The following ASAP2 variants were observed in gnomAD, a reference collection of about 807,000 sequenced individuals.
ASAP2 encodes the protein ArfGAP with SH3 domain, ankyrin repeat and PH domain 2, also known as arf-GAP with SH3 domain, ANK repeat and PH domain-containing protein 2.
ASAP2 carries 45 observed loss-of-function variants against 131.4 expected under a neutral mutation model. That is an observed-to-expected ratio of 0.34 (90% confidence interval 0.27 to 0.44). ASAP2 has a LOEUF of 0.44. Ranked by LOEUF, ASAP2 falls within the 20% of genes least tolerant of loss-of-function variation. The pLI, the probability that ASAP2 is intolerant of heterozygous loss-of-function variation, is 1.00. For synonymous variants in ASAP2, 510 were observed against 503.0 expected (o/e 1.01, Z -0.19); for missense variants, 1,011 against 1,297.0 (o/e 0.78, Z 3.39).
chr2:9,354,095 C>T (rs1403762344), intron 12 of ASAP2, among the ~76,000 whole-genome samples: 1 of 152,246 alleles, frequency 6.6e-6, no homozygotes, highest in Non-Finnish European at 1.5e-5. Context: ...CCACTCATAG[C>T]AAATTCAAGT....
chr2:9,317,627 CACACACCCAT>C (rs781722203), intron 3 of ASAP2, among the ~76,000 whole-genome samples: 50 of 151,646 alleles, frequency 3.3e-4, no homozygotes, highest in Non-Finnish European at 6.8e-4. Context: ...ATCACACCCA[CACACACCCAT>C]ACACACATTT....
intron 2 of ASAP2, among the ~76,000 whole-genome samples, chr2:9,289,997 G>A (rs2148358887): frequency 6.7e-6 from 1 of 148,974 alleles, no homozygotes; most frequent in East Asian, 1.9e-4. Flanking sequence ...GCCGGTGAGA[G>A]GCATCCTTCC....
intron 2 of ASAP2, among the ~76,000 whole-genome samples, chr2:9,292,065 G>A (rs1667849877): frequency 6.6e-6 from 1 of 152,114 alleles, no homozygotes; most frequent in Admixed American, 6.5e-5. Flanking sequence ...GTGACCTTGA[G>A]CAAGTCATCA....
intron 2 of ASAP2, among the ~76,000 whole-genome samples, chr2:9,287,472 G>T (rs1212251433): frequency 6.6e-6 from 1 of 152,228 alleles, no homozygotes; most frequent in Non-Finnish European, 1.5e-5. Flanking sequence ...ATATCTGAAG[G>T]ACGCGGGGCT....
chr2:9,302,695 G>A (rs1395974589), intron 3 of ASAP2, among the ~76,000 whole-genome samples: 2 of 152,142 alleles, frequency 1.3e-5, no homozygotes, highest in South Asian at 2.1e-4. Context: ...GGCTGGTCTC[G>A]AACTCCTGAC....
intron 16 of ASAP2, among the ~76,000 whole-genome samples, chr2:9,370,089 T>G (rs1273338361): frequency 6.6e-6 from 1 of 152,090 alleles, no homozygotes; most frequent in Non-Finnish European, 1.5e-5. Context: ...CTGCCCACCT[T>G]GGCCTCCCAA....
intron 2 of ASAP2, among the ~76,000 whole-genome samples, chr2:9,294,672 C>T (rs1041150478): frequency 6.6e-6 from 1 of 152,212 alleles, no homozygotes; most frequent in Non-Finnish European, 1.5e-5. Flanking sequence ...GAAGTCCCTT[C>T]CCTTTGGGTG....
At chr2:9,320,217 G>A in intron 4 of ASAP2, 71 bp from the exon 5 acceptor site, 3 of 1,296,490 alleles carry the variant, frequency 2.3e-6, no homozygotes, top group Non-Finnish European at 2.2e-6. Context: ...GGCTAGTACA[G>A]GGATAAGTAA....
intron 1 of ASAP2, among the ~76,000 whole-genome samples, chr2:9,226,150 C>G (rs1336476271): frequency 6.6e-6 from 1 of 152,236 alleles, no homozygotes; most frequent in African/African-American, 2.4e-5. Flanking sequence ...TGAAGTCCCA[C>G]AGCTGGCTGG....
chr2:9,382,883 T>A lies in ASAP2; in HGVS notation c.2016+2075T>A, dbSNP rs1215874499. Among the ~76,000 whole-genome samples the A allele has an allele frequency of 4.6e-5, 7 of 152,140 alleles. No individual in the cohort carries two copies. In the South Asian group the frequency reaches 1.2e-3, roughly 27 times the overall value. On this transcript the variant is annotated intron_variant, in intron 20 of 27. Coordinates refer to ENST00000281419, the MANE Select transcript of ASAP2 (RefSeq NM_003887.3). ...AGATTAAACCCAATTCATGAGACAGTGTGATTGCAGCAGAGAAAGAGTTTA... is the reference window on the plus strand; with the variant it reads ...AGATTAAACCCAATTCATGAGACAGAGTGATTGCAGCAGAGAAAGAGTTTA...
chr2:9,296,248 G>T (rs981109731), intron 2 of ASAP2, among the ~76,000 whole-genome samples: 1 of 152,256 alleles, frequency 6.6e-6, no homozygotes, highest in Non-Finnish European at 1.5e-5. Context: ...AGACTGGCTG[G>T]TTTCCTTTGA....
At chr2:9,348,534 T>C (rs1470181890) in intron 11 of ASAP2, among the ~76,000 whole-genome samples, 1 of 152,250 alleles carries the variant, frequency 6.6e-6, no homozygotes, top group Non-Finnish European at 1.5e-5. Context: ...TCTATGTACT[T>C]AATATTTAAC....
intron 2 of ASAP2, among the ~76,000 whole-genome samples, chr2:9,285,351 C>T (rs1667398848): frequency 6.6e-6 from 1 of 152,136 alleles, no homozygotes; most frequent in Non-Finnish European, 1.5e-5. Context: ...TCAGAACCCC[C>T]CATCCCCACT....
At position 9,281,910 on chromosome 2, in the gene ASAP2, C is replaced by T. The variant is rs1667151577; in HGVS notation, c.199+2521C>T. Among the ~76,000 whole-genome samples, 1 of 152,206 alleles carries T rather than the reference C, an allele frequency of 6.6e-6. No individual in the cohort carries two copies. Among genetic ancestry groups the T allele is most frequent in the Admixed American group, 6.5e-5 (1 of 15,280 alleles). On this transcript the variant is annotated intron_variant, in intron 2 of 27. Coordinates refer to ENST00000281419, the MANE Select transcript of ASAP2 (RefSeq NM_003887.3). The surrounding 1 kb of genome is among the most constrained non-coding windows in gnomAD (Gnocchi z 4.0). The stretch of plus-strand genomic sequence containing the variant: ...TGTGCATTGCCTGGACTCAGGCCAC[C>T]TGTCCCGACCCTCCCCACCTGGACT...
intron 6 of ASAP2, among the ~76,000 whole-genome samples, chr2:9,325,223 G>A (rs1369061775): frequency 1.3e-5 from 2 of 152,142 alleles, no homozygotes; most frequent in Admixed American, 6.5e-5. Context: ...CAAAAGAAAA[G>A]CACATACCAT....
chr2:9,326,682 T>G (rs1670501491), intron 6 of ASAP2, among the ~76,000 whole-genome samples: 2 of 152,334 alleles, frequency 1.3e-5, no homozygotes, highest in South Asian at 4.1e-4. Flanking sequence ...TCGCTGCTGA[T>G]GCTTTATAAC....
intron 3 of ASAP2, among the ~76,000 whole-genome samples, chr2:9,316,862 G>C (rs900470643): frequency 6.6e-6 from 1 of 151,808 alleles, no homozygotes; most frequent in Non-Finnish European, 1.5e-5. Context: ...GGGCACCAAG[G>C]CTCTTGCCCT....
intron 2 of ASAP2, 119 bp from the exon 3 acceptor site, chr2:9,297,181 A>T: frequency 1.6e-6 from 2 of 1,281,004 alleles, no homozygotes; most frequent in Non-Finnish European, 2.1e-6. Flanking sequence ...GTGCAGCTTG[A>T]CTTTTCTCAG....
chr2:9,241,594 G>A (rs1043460250), intron 1 of ASAP2, among the ~76,000 whole-genome samples: 2 of 152,108 alleles, frequency 1.3e-5, no homozygotes, highest in East Asian at 1.9e-4. Context: ...GCATGGTGGC[G>A]CCGTGATCGC....
Sources: gnomAD v4.1 joint callset for allele counts (sites outside exome capture counted in the v4.1 genomes callset) on GRCh38, gnomAD v4.1.1 for gene constraint, Gnocchi (gnomAD v3.1) non-coding constraint, MANE v1.5 for transcripts, NCBI Gene and HGNC (gene_info 2026-07-23, HGNC 2026-07-21) for gene names.